ASB5: variants seen among roughly 807,000 people sequenced by gnomAD.
ASB5 encodes ankyrin repeat and SOCS box protein 5.
ASB5 carries 45 observed loss-of-function variants against 42.1 expected under a neutral mutation model. That is an observed-to-expected ratio of 1.07 (90% CI 0.84 to 1.37). The LOEUF is 1.37. Among genes scored for constraint, ASB5 ranks in the 40% most tolerant of loss-of-function variants. The pLI is 0.00. For missense variants in ASB5, 402 were observed against 399.8 expected, an observed-to-expected ratio of 1.01 and a Z score of -0.05; for synonymous variants, 147 against 150.6, an observed-to-expected ratio of 0.98 and a Z score of 0.18.
chr4:176,270,027 C>A (rs188705758), upstream of ASB5, among the ~76,000 whole-genome samples: 1 of 152,074 alleles, frequency 6.6e-6, no homozygotes, highest in African/African-American at 2.4e-5. Context: ...TCTTTGTTAA[C>A]CCAAATATGT....
chr4:176,263,108 A>G (rs142615000), intron 1 of ASB5, among the ~76,000 whole-genome samples: 2 of 152,168 alleles, frequency 1.3e-5, no homozygotes, highest in Non-Finnish European at 2.9e-5. Flanking sequence ...TTCTCACTCT[A>G]TTAGTTTCGG....
intron 1 of ASB5, among the ~76,000 whole-genome samples, chr4:176,227,014 A>T (rs1692899849): frequency 6.6e-6 from 1 of 152,240 alleles, no homozygotes; most frequent in Non-Finnish European, 1.5e-5. Flanking sequence ...AAGACTTCCA[A>T]GACAGCTAGT....
At chr4:176,256,150 C>T (rs1254415539) in intron 1 of ASB5, among the ~76,000 whole-genome samples, 6 of 152,112 alleles carry the variant, frequency 3.9e-5, no homozygotes, top group African/African-American at 1.4e-4. Flanking sequence ...CATCATATTC[C>T]TGCCAAGCTT....
At chr4:176,273,291 G>A (rs1052750725), upstream of ASB5, among the ~76,000 whole-genome samples, 91 of 152,212 alleles carry the variant, frequency 6.0e-4, no homozygotes, top group African/African-American at 2.0e-3. Flanking sequence ...TGTATACAGT[G>A]AATACAAACT....
chr4:176,257,317 G>C (rs1165621916), intron 1 of ASB5, among the ~76,000 whole-genome samples: 1 of 152,142 alleles, frequency 6.6e-6, no homozygotes, highest in Non-Finnish European at 1.5e-5. Context: ...ACCATGACCA[G>C]GTATTTGACC....
At chr4:176,232,804 G>A (rs1469972076) in intron 1 of ASB5, among the ~76,000 whole-genome samples, 1 of 152,048 alleles carries the variant, frequency 6.6e-6, no homozygotes, top group East Asian at 1.9e-4. Flanking sequence ...TTCTCTATTG[G>A]TTTAAACAGT....
chr4:176,228,120 T>G (rs1461439746), intron 1 of ASB5, among the ~76,000 whole-genome samples: 1 of 152,256 alleles, frequency 6.6e-6, no homozygotes, highest in Non-Finnish European at 1.5e-5. Context: ...AGCAAGATCT[T>G]TTTAATTTAG....
chr4:176,221,436 C>T lies in ASB5; in HGVS notation c.535+14G>A, dbSNP rs1561252282. 1.2e-6 allele frequency: 2 copies of T among 1,611,184 alleles called. No homozygotes were observed. The highest frequency in any genetic ancestry group is 2.2e-5 in the East Asian group (1 of 44,860). On this transcript the variant is annotated intron_variant, in intron 4 of 6. Transcript: ENST00000296525. ...ACTTTCTTCCCTTGTCACTTAATCC[C>T]AGAACTAAGTTACCTTTACTGGCGG...
chr4:176,226,881 T>A (rs1753395487), intron 1 of ASB5, among the ~76,000 whole-genome samples: 1 of 152,220 alleles, frequency 6.6e-6, no homozygotes, highest in Non-Finnish European at 1.5e-5. Flanking sequence ...GAGCCCCGCG[T>A]CTGAAGTGAA....
intron 2 of ASB5, among the ~76,000 whole-genome samples, chr4:176,274,909 ATTTTTTTTTT>A (rs35690692): frequency 9.4e-6 from 1 of 106,304 alleles, no homozygotes; most frequent in East Asian, 2.6e-4. Flanking sequence ...CAGCATAGCA[ATTTTTTTTTT>A]TTTTTTTTTT....
intron 4 of ASB5, 46 bp from the exon 5 acceptor site, chr4:176,221,335 C>A: frequency 6.2e-7 from 1 of 1,607,228 alleles, no homozygotes. Flanking sequence ...CCATCCACCC[C>A]ACACACCTCA....
intron 1 of ASB5, among the ~76,000 whole-genome samples, chr4:176,244,662 C>T (rs1753874300): frequency 6.6e-6 from 1 of 152,170 alleles, no homozygotes; most frequent in Admixed American, 6.5e-5. Flanking sequence ...ATAATCCTAA[C>T]ACTTTTGAAG....
At chr4:176,216,705 A>G (rs1337828514) in intron 6 of ASB5, 113 bp downstream of exon 6, 1 of 890,006 alleles carries the variant, frequency 1.1e-6, no homozygotes, top group African/African-American at 1.7e-5. Context: ...CACAAATAAT[A>G]TTCCACATTT....
upstream of ASB5, among the ~76,000 whole-genome samples, chr4:176,273,952 C>T (rs1478736976): frequency 6.6e-6 from 1 of 152,146 alleles, no homozygotes; most frequent in African/African-American, 2.4e-5. Context: ...TGGATCGTAT[C>T]TTGCCCAACC....
intron 1 of ASB5, among the ~76,000 whole-genome samples, chr4:176,244,448 A>G (rs561812774): frequency 6.6e-6 from 1 of 152,328 alleles, no homozygotes; most frequent in South Asian, 2.1e-4. Context: ...TACTACTTCA[A>G]TTGCTATGTA....
intron 6 of ASB5, among the ~76,000 whole-genome samples, chr4:176,216,592 A>G (rs1579305411): frequency 1.3e-5 from 2 of 152,222 alleles, no homozygotes; most frequent in Non-Finnish European, 1.5e-5. Context: ...CTTGTGATCC[A>G]CCCGCCTTGG....
intron 1 of ASB5, among the ~76,000 whole-genome samples, chr4:176,254,581 C>G (rs1000236770): frequency 6.7e-6 from 1 of 149,890 alleles, no homozygotes; most frequent in African/African-American, 2.4e-5. Flanking sequence ...AAGTTTTGCA[C>G]AGCAGAAGAA....
rs548472069 is a variant in ASB5, at chr4:176,276,785, C to T, written c.-201+444G>A. 2.9e-4 allele frequency among the ~76,000 whole-genome samples: 44 copies of T among 152,210 alleles called. 1 individual carries two copies. In the Middle Eastern group the frequency reaches 0.014, roughly 47 times the overall value. On this transcript the variant is annotated intron_variant, in intron 1 of 2. Transcript: ENST00000505299. ...GCAAATACATCTTGTTGTATATTACCGTAACCCTAACGCAACCCGTGAATT... is the reference window on the plus strand; with the variant it reads ...GCAAATACATCTTGTTGTATATTACTGTAACCCTAACGCAACCCGTGAATT...
At position 176,225,141 on chromosome 4, in the gene ASB5, G is replaced by C. The variant is rs998463759; in HGVS notation, c.276+121C>G. On this transcript the variant is annotated intron_variant, in intron 2 of 6. Coordinates refer to ENST00000296525, the MANE Select transcript of ASB5 (RefSeq NM_080874.4). ...GAAACTATTGACTTCTCTGACATGA[G>C]TTAAAATAAAAGGGCAGAAGTAAAA... The C allele has an allele frequency of 1.3e-5, 9 of 706,240 alleles. No individual in the cohort carries two copies. In the African/African-American group the frequency reaches 1.6e-4, roughly 13 times the overall value. 43.7% of individuals were successfully genotyped at this position (706,240 alleles called of 1,614,324 possible).
Sources: allele counts gnomAD v4.1 joint callset (sites outside exome capture counted in the v4.1 genomes callset), GRCh38; gene constraint gnomAD v4.1.1; transcripts MANE v1.5; gene names NCBI Gene and HGNC (gene_info 2026-07-23, HGNC 2026-07-21).